The following CNIH3 variants were observed in gnomAD, a reference collection of about 807,000 sequenced individuals.
CNIH3 encodes protein cornichon homolog 3.
Under a neutral mutation model 24.1 loss-of-function variants are expected in CNIH3, and 14 were observed. The observed-to-expected ratio is 0.58, with a 90% CI of 0.38 to 0.91. The LOEUF is 0.91. CNIH3 is among the 40% of genes least tolerant of loss of function. The pLI is 0.00. For missense variants in CNIH3, 178 were observed against 196.8 expected, an observed-to-expected ratio of 0.90 and a Z score of 0.57; for synonymous variants, 68 against 73.8, an observed-to-expected ratio of 0.92 and a Z score of 0.40.
chr1:224,690,893 A>G (rs1196333260), intron 3 of CNIH3, among the ~76,000 whole-genome samples: 1 of 152,120 alleles, frequency 6.6e-6, no homozygotes, highest in South Asian at 2.1e-4. Flanking sequence ...TGCTCCCACT[A>G]ATGGGCACCT....
At chr1:224,570,771 C>G (rs542199734) in intron 4 of CNIH3, among the ~76,000 whole-genome samples, 4 of 152,060 alleles carry the variant, frequency 2.6e-5, no homozygotes, top group Admixed American at 2.6e-4. Flanking sequence ...ATCTTTCTTA[C>G]TGAATGTTAT....
intron 4 of CNIH3, among the ~76,000 whole-genome samples, chr1:224,579,060 C>CTTTTTTTTTTTTTTTTTTTT (rs1558178714): frequency 6.8e-6 from 1 of 147,734 alleles, no homozygotes; most frequent in Non-Finnish European, 1.5e-5. Context: ...GATCATGTTT[C>CTTTTTTTTTTTTTTTTTTTT]TTTTTTCTTT....
At chr1:224,505,023 TCCCTC>T (rs1558114729) in intron 1 of CNIH3, among the ~76,000 whole-genome samples, 94 of 35,644 alleles carry the variant, frequency 2.6e-3, no homozygotes, top group African/African-American at 0.011. Context: ...CCTCCCTCCC[TCCCTC>T]CCTCCCTTCC....
At chr1:224,623,363 G>A (rs144313326) in intron 1 of CNIH3, among the ~76,000 whole-genome samples, 1 of 152,142 alleles carries the variant, frequency 6.6e-6, no homozygotes, top group African/African-American at 2.4e-5. Context: ...TGTAGTGGAT[G>A]CCTCAGTCTC....
intron 1 of CNIH3, among the ~76,000 whole-genome samples, chr1:224,618,402 GACTCTCAT>G (rs1199862559): frequency 1.3e-5 from 2 of 152,248 alleles, no homozygotes; most frequent in Non-Finnish European, 2.9e-5. Context: ...GAGCATCACA[GACTCTCAT>G]ACAGTGGGGA....
chr1:224,720,441 T>C (rs1480984420), intron 3 of CNIH3, among the ~76,000 whole-genome samples: 1 of 152,102 alleles, frequency 6.6e-6, no homozygotes, highest in Non-Finnish European at 1.5e-5. Context: ...AACGTGGCTG[T>C]AGCAGGCAGT....
intron 2 of CNIH3, among the ~76,000 whole-genome samples, chr1:224,521,814 A>G (rs111622115): frequency 0.053 from 8,070 of 152,238 alleles, 679 homozygotes; most frequent in African/African-American, 0.18. Flanking sequence ...ATTCAGTTAC[A>G]TGACATAATA....
At chr1:224,512,533 A>G (rs772661864), upstream of CNIH3, among the ~76,000 whole-genome samples, 15 of 152,376 alleles carry the variant, frequency 9.8e-5, no homozygotes, top group Non-Finnish European at 1.2e-4. Context: ...ATGAATAGCC[A>G]GGTACCCATC....
rs144392520 is a variant in CNIH3, at chr1:224,507,449, T to C, written n.204-8292T>C. 7.5e-3 allele frequency among the ~76,000 whole-genome samples: 1,138 copies of C among 152,326 alleles called. 10 individuals carry two copies. The highest frequency in any genetic ancestry group is 0.011 in the Non-Finnish European group (759 of 68,036). On this transcript the variant is annotated intron_variant and non_coding_transcript_variant, in intron 1 of 5. Transcript: ENST00000471578. ...CTGAGAATTACATTAAATGGGTTAA[T>C]ATTTTTAAGGTGATTAAAATAGTGC...
At chr1:224,563,781 A>G (rs1457446179) in intron 3 of CNIH3, among the ~76,000 whole-genome samples, 1 of 152,200 alleles carries the variant, frequency 6.6e-6, no homozygotes, top group Non-Finnish European at 1.5e-5. Context: ...AGATGGTTCA[A>G]AGGAATTTCT....
intron 3 of CNIH3, among the ~76,000 whole-genome samples, chr1:224,728,421 A>G (rs1190182478): frequency 2.0e-5 from 3 of 152,122 alleles, no homozygotes; most frequent in Non-Finnish European, 2.9e-5. Flanking sequence ...TGAGATTCAC[A>G]GGGGCTGGTG....
upstream of CNIH3, among the ~76,000 whole-genome samples, chr1:224,511,776 T>A (rs529894563): frequency 6.6e-6 from 1 of 152,022 alleles, no homozygotes; most frequent in South Asian, 2.1e-4. Context: ...ATCCTTTGAG[T>A]TTAGGAGGGC....
chr1:224,548,746 C>T (rs1378404055), intron 3 of CNIH3, among the ~76,000 whole-genome samples: 3 of 151,276 alleles, frequency 2.0e-5, no homozygotes, highest in Non-Finnish European at 3.0e-5. Flanking sequence ...AGATACTACT[C>T]TTAATATCAC....
intron 1 of CNIH3, among the ~76,000 whole-genome samples, chr1:224,439,277 A>T (rs1674791563): frequency 6.6e-6 from 1 of 152,234 alleles, no homozygotes; most frequent in South Asian, 2.1e-4. Flanking sequence ...AAGCGCAAAG[A>T]CAGGACGACT....
chr1:224,635,574 G>A (rs866262835), intron 1 of CNIH3, among the ~76,000 whole-genome samples: 1 of 152,216 alleles, frequency 6.6e-6, no homozygotes, highest in Non-Finnish European at 1.5e-5. Flanking sequence ...CAGGGATGCT[G>A]ACTCAGACCT....
chr1:224,702,874 G>T (rs1219875834), intron 3 of CNIH3, among the ~76,000 whole-genome samples: 1 of 152,042 alleles, frequency 6.6e-6, no homozygotes, highest in East Asian at 1.9e-4. Flanking sequence ...CACTCCTCGG[G>T]CCCTGTCCTT....
intron 2 of CNIH3, among the ~76,000 whole-genome samples, chr1:224,527,822 G>A (rs891452715): frequency 6.6e-6 from 1 of 152,102 alleles, no homozygotes; most frequent in African/African-American, 2.4e-5. Context: ...ATATAATTAT[G>A]TGTCAATTAC....
chr1:224,714,043 G>A (rs1688299494), intron 3 of CNIH3, among the ~76,000 whole-genome samples: 1 of 152,098 alleles, frequency 6.6e-6, no homozygotes, highest in South Asian at 2.1e-4. Context: ...TTGAACTCCT[G>A]GGCTCAAGTG....
At chr1:224,716,633 C>T (rs72629697) in intron 3 of CNIH3, among the ~76,000 whole-genome samples, 43,756 of 151,556 alleles carry the variant, frequency 0.29, 6,476 homozygotes, top group East Asian at 0.35. Context: ...GTGTGGGGAC[C>T]GTGGGGGTTT....
Sources: gnomAD v4.1 joint callset for allele counts (sites outside exome capture counted in the v4.1 genomes callset) on GRCh38, gnomAD v4.1.1 for gene constraint, MANE v1.5 for transcripts, NCBI Gene and HGNC (gene_info 2026-07-23, HGNC 2026-07-21) for gene names.